BMP2K: variants seen among roughly 807,000 people sequenced by gnomAD.
The protein encoded by BMP2K is BMP2 inducible kinase.
BMP2K carries 74 observed loss-of-function variants against 116.0 expected under a neutral mutation model. The observed-to-expected ratio is 0.64, with a 90% CI of 0.53 to 0.77. BMP2K has a LOEUF of 0.77. Ranked by LOEUF, BMP2K falls within the 30% of genes least tolerant of loss-of-function variation. BMP2K has a pLI of 0.00. For missense variants in BMP2K, 1,365 were observed against 1,403.6 expected, an observed-to-expected ratio of 0.97 and a Z score of 0.44; for synonymous variants, 486 against 502.5, an observed-to-expected ratio of 0.97 and a Z score of 0.44.
chr4:78,846,641 G>A (rs963703638), intron 5 of BMP2K, among the ~76,000 whole-genome samples: 13 of 151,400 alleles, frequency 8.6e-5, no homozygotes, highest in Non-Finnish European at 1.9e-4. Flanking sequence ...GTCAGTATTA[G>A]AAATATACTT....
chr4:78,854,524 C>T (rs571082851), intron 7 of BMP2K, among the ~76,000 whole-genome samples: 17 of 152,084 alleles, frequency 1.1e-4, no homozygotes, highest in South Asian at 4.2e-4. Context: ...CTGCCTGCCT[C>T]GGCCTCCCAA....
intron 4 of BMP2K, among the ~76,000 whole-genome samples, chr4:78,843,720 A>C (rs932530870): frequency 2.0e-5 from 3 of 151,858 alleles, no homozygotes; most frequent in Admixed American, 6.6e-5. Flanking sequence ...AGTGTAGTTC[A>C]TGTTAGTTCT....
At chr4:78,776,929 C>A (rs1198969343) in intron 1 of BMP2K, among the ~76,000 whole-genome samples, 3 of 152,130 alleles carry the variant, frequency 2.0e-5, no homozygotes, top group African/African-American at 7.2e-5. Context: ...GTGCACAGTT[C>A]TCTCATGCCT....
intron 3 of BMP2K, among the ~76,000 whole-genome samples, chr4:78,841,143 T>A (rs1232055939): frequency 6.6e-6 from 1 of 152,138 alleles, no homozygotes; most frequent in African/African-American, 2.4e-5. Context: ...TAAAATTCTA[T>A]GAGAAAAATA....
chr4:78,793,938 A>T (rs2109939346), intron 1 of BMP2K, among the ~76,000 whole-genome samples: 1 of 152,326 alleles, frequency 6.6e-6, no homozygotes, highest in Middle Eastern at 3.4e-3. Flanking sequence ...TATATTGGAC[A>T]TACTGGACAG....
chr4:78,887,157 T>G lies in BMP2K; in HGVS notation c.1952-17T>G. 1 of 1,480,512 alleles carries G rather than the reference T, an allele frequency of 6.8e-7. No homozygotes were observed. 91.7% of individuals were successfully genotyped at this position (1,480,512 alleles called of 1,614,324 possible). On this transcript the variant is annotated splice_polypyrimidine_tract_variant and intron_variant, in intron 14 of 15. Coordinates refer to ENST00000502613, the MANE Select transcript of BMP2K (RefSeq NM_198892.2). Reference sequence around the variant, plus strand: ...ATTTCATTTCATTTTTTATTTCGTTTCATCTTATTTTTGCAGATAGGCTCG... The same window carrying G: ...ATTTCATTTCATTTTTTATTTCGTTGCATCTTATTTTTGCAGATAGGCTCG...
chr4:78,878,645 T>TTATAAAG, intron 13 of BMP2K, 89 bp from the exon 14 acceptor site: 1 of 1,091,366 alleles, frequency 9.2e-7, no homozygotes, highest in Non-Finnish European at 1.3e-6. Flanking sequence ...TTCTAAGTAT[T>TTATAAAG]TATAAAGTAT....
intron 15 of BMP2K, among the ~76,000 whole-genome samples, chr4:78,889,199 C>T (rs1344528679): frequency 6.6e-5 from 8 of 121,480 alleles, no homozygotes; most frequent in East Asian, 2.5e-4. Context: ...CCAACCTGGG[C>T]GATAGAGTGA....
At position 78,835,421 on chromosome 4, in the gene BMP2K, C is replaced by A. The variant is rs1270537108; in HGVS notation, c.403+1734C>A. On this transcript the variant is annotated intron_variant, in intron 3 of 15. Coordinates refer to ENST00000502613, the MANE Select transcript of BMP2K (RefSeq NM_198892.2). Reference sequence around the variant, plus strand: ...CGGGTTGATCACAAGGTCAGGAGATCGAGACCATCCTGGCTAACACGGTGA... The same window carrying A: ...CGGGTTGATCACAAGGTCAGGAGATAGAGACCATCCTGGCTAACACGGTGA... 2.0e-5 allele frequency among the ~76,000 whole-genome samples: 3 copies of A among 151,920 alleles called. No individual in the cohort carries two copies. The South Asian group carries it at 6.2e-4, about 32-fold the overall frequency.
intron 13 of BMP2K, among the ~76,000 whole-genome samples, chr4:78,876,215 G>C (rs1274118412): frequency 6.6e-6 from 1 of 151,958 alleles, no homozygotes; most frequent in Admixed American, 6.6e-5. Context: ...GACAGGAGGG[G>C]GGATGCCCAT....
intron 10 of BMP2K, among the ~76,000 whole-genome samples, chr4:78,867,176 A>AAAAAAAAG (rs1467215244): frequency 1.3e-5 from 2 of 152,058 alleles, no homozygotes; most frequent in African/African-American, 2.4e-5. Flanking sequence ...TGTCTCAAAA[A>AAAAAAAAG]AAAAAAAGAA....
intron 1 of BMP2K, among the ~76,000 whole-genome samples, chr4:78,790,004 A>G (rs1349935907): frequency 1.3e-5 from 2 of 152,228 alleles, no homozygotes; most frequent in African/African-American, 4.8e-5. Context: ...TTCAAAGTAA[A>G]AAGAAAACAC....
Position 78,850,973 on chromosome 4 carries a change from G to A in BMP2K, c.800G>A (p.Gly267Asp), listed in dbSNP as rs761910235. The change falls in exon 7 of 16, where the codon GGT (glycine) becomes GAT (aspartate). Residue 267 changes from glycine to aspartate, a missense_variant. Coordinates refer to ENST00000502613, the MANE Select transcript of BMP2K (RefSeq NM_198892.2). Reference protein sequence around the residue: ...YKLCFFTLPFGESQVAICDGN... With the variant: ...YKLCFFTLPFDESQVAICDGN... ...CTTTGTTTCTTCACTCTTCCTTTTG[G>A]TGAGAGTCAGGTTGCTATCTGTGAT... 1.9e-6 allele frequency: 3 copies of A among 1,612,122 alleles called. No individual in the cohort carries two copies. Among genetic ancestry groups the A allele is most frequent in the Non-Finnish European group, 2.5e-6 (3 of 1,178,822 alleles).
At chr4:78,836,371 C>T (rs552174447) in intron 3 of BMP2K, among the ~76,000 whole-genome samples, 4 of 151,636 alleles carry the variant, frequency 2.6e-5, no homozygotes, top group African/African-American at 4.8e-5. Flanking sequence ...GAGCCAAGAT[C>T]GCTCCACTGC....
chr4:78,870,084 T>C (rs1282338071), intron 10 of BMP2K, among the ~76,000 whole-genome samples: 1 of 152,212 alleles, frequency 6.6e-6, no homozygotes, highest in African/African-American at 2.4e-5. Flanking sequence ...AGTGTATATC[T>C]TACTTTTTAG....
chr4:78,875,082 G>A (rs1040352651), intron 13 of BMP2K, among the ~76,000 whole-genome samples: 1 of 152,142 alleles, frequency 6.6e-6, no homozygotes, highest in South Asian at 2.1e-4. Context: ...TAGAAATGTG[G>A]AACTTCATGT....
In BMP2K at chr4:78,913,758, T is replaced by C. The variant is rs1734811849; in HGVS notation, c.*1725T>C. ...TTATTGCTTTTTCCCTTCTTTTATA[T>C]GCTAAATCAAATATAGATTTGTGGA... On this transcript the variant is annotated 3_prime_UTR_variant, in exon 16 of 16. Coordinates refer to ENST00000502613, the MANE Select transcript of BMP2K (RefSeq NM_198892.2). 6.6e-6 allele frequency: 1 copy of C among 152,114 alleles called. No individual in the cohort carries two copies. The highest frequency in any genetic ancestry group is 2.1e-4 in the South Asian group (1 of 4,822). The allele number at this position is 152,114 out of a possible 1,614,324, so 9.4% of individuals were successfully genotyped here.
intron 9 of BMP2K, among the ~76,000 whole-genome samples, chr4:78,863,377 G>T (rs1397225435): frequency 3.3e-5 from 5 of 152,100 alleles, no homozygotes; most frequent in Non-Finnish European, 7.4e-5. Flanking sequence ...AAAAGCGCCT[G>T]TGGGTTTCTC....
chr4:78,877,342 A>T (rs1171479140), intron 13 of BMP2K, among the ~76,000 whole-genome samples: 1 of 152,182 alleles, frequency 6.6e-6, no homozygotes, highest in Non-Finnish European at 1.5e-5. Flanking sequence ...AAACACAAAC[A>T]TGTACAACTG....
Sources: allele counts gnomAD v4.1 joint callset (sites outside exome capture counted in the v4.1 genomes callset), GRCh38; gene constraint gnomAD v4.1.1; transcripts MANE v1.5; gene names NCBI Gene and HGNC (gene_info 2026-07-23, HGNC 2026-07-21).